The following GRID2 variants were observed in gnomAD, a reference collection of about 807,000 sequenced individuals.
GRID2 encodes glutamate receptor ionotropic, delta-2.
GRID2 carries 33 observed loss-of-function variants against 114.8 expected under a neutral mutation model. That is an observed-to-expected ratio of 0.29 (90% CI 0.22 to 0.38). The LOEUF is 0.38. Among genes scored for constraint, GRID2 ranks in the 10% least tolerant of loss-of-function variants. The pLI, the probability that GRID2 is intolerant of heterozygous loss-of-function variation, is 1.00. For synonymous variants in GRID2, 505 were observed against 449.9 expected, an observed-to-expected ratio of 1.12 and a Z score of -1.55; for missense variants, 1,184 against 1,257.7, an observed-to-expected ratio of 0.94 and a Z score of 0.89.
chr4:93,165,842 C>G (rs774014833), intron 4 of GRID2, among the ~76,000 whole-genome samples: 1 of 151,946 alleles, frequency 6.6e-6, no homozygotes, highest in Non-Finnish European at 1.5e-5. Flanking sequence ...CTATTAGAAC[C>G]ACAAATAGGG....
intron 4 of GRID2, among the ~76,000 whole-genome samples, chr4:93,164,565 A>C (rs1738066614): frequency 6.6e-6 from 1 of 152,082 alleles, no homozygotes; most frequent in Admixed American, 6.6e-5. Flanking sequence ...TTAGTCTAGA[A>C]ATAAGTTTAT....
chr4:93,463,202 A>C (rs1723918164), intron 11 of GRID2, among the ~76,000 whole-genome samples: 2 of 152,154 alleles, frequency 1.3e-5, no homozygotes. Context: ...AACTAATAAA[A>C]AAAAAGTTGA....
chr4:93,706,625 G>T (rs971310835), intron 14 of GRID2, among the ~76,000 whole-genome samples: 2 of 152,098 alleles, frequency 1.3e-5, no homozygotes, highest in Non-Finnish European at 2.9e-5. Flanking sequence ...TGGAGTCTAG[G>T]TTTTTCCAAA....
chr4:93,591,432 T>C (rs1033121096), intron 13 of GRID2, among the ~76,000 whole-genome samples: 1 of 152,024 alleles, frequency 6.6e-6, no homozygotes, highest in African/African-American at 2.4e-5. Context: ...GATAAGCTTT[T>C]TGATGTGCTG....
chr4:93,549,740 C>T (rs1489877850), intron 13 of GRID2, among the ~76,000 whole-genome samples: 2 of 152,024 alleles, frequency 1.3e-5, no homozygotes, highest in African/African-American at 4.8e-5. Context: ...AACTTTTCTG[C>T]CAAGCAAATT....
intron 2 of GRID2, among the ~76,000 whole-genome samples, chr4:92,754,234 G>C (rs1560573297): frequency 6.6e-6 from 1 of 152,182 alleles, no homozygotes; most frequent in African/African-American, 2.4e-5. Flanking sequence ...GGCTTAGGCT[G>C]TTGTTGCACT....
intron 2 of GRID2, among the ~76,000 whole-genome samples, chr4:92,707,212 T>A (rs553679852): frequency 6.6e-6 from 1 of 152,274 alleles, no homozygotes; most frequent in East Asian, 1.9e-4. Flanking sequence ...AATTTGAAAT[T>A]ATTGATTTAC....
rs1696463695 is a variant in GRID2, at chr4:93,055,304, G to C, written c.245-29691G>C. Among the ~76,000 whole-genome samples, 3 of 151,664 alleles carry C rather than the reference G, an allele frequency of 2.0e-5. No individual in the cohort carries two copies. In the South Asian group the frequency reaches 6.3e-4, roughly 32 times the overall value. ...TGGTCTAGCAGTGATGAGGTTGCTA[G>C]GTTGACAAAGCAGTGCTGGGTTTTC... On this transcript the variant is annotated intron_variant, in intron 2 of 15. Transcript: ENST00000282020.
At chr4:93,163,100 T>G (rs999957237) in intron 4 of GRID2, among the ~76,000 whole-genome samples, 24 of 151,804 alleles carry the variant, frequency 1.6e-4, no homozygotes, top group Non-Finnish European at 2.7e-4. Context: ...ACATACACAT[T>G]CCTTTCAGGT....
At chr4:93,633,247 AT>A (rs1400273621) in intron 14 of GRID2, among the ~76,000 whole-genome samples, 2 of 151,878 alleles carry the variant, frequency 1.3e-5, no homozygotes, top group African/African-American at 4.8e-5. Flanking sequence ...ATTTAATATT[AT>A]AACTATAAGA....
chr4:93,089,228 G>A (rs909381412), intron 3 of GRID2, among the ~76,000 whole-genome samples: 2 of 152,056 alleles, frequency 1.3e-5, no homozygotes, highest in African/African-American at 2.4e-5. Context: ...CCAACAGATT[G>A]TGAAATAAAA....
chr4:93,026,024 G>A (rs994874685), intron 2 of GRID2, among the ~76,000 whole-genome samples: 2 of 151,776 alleles, frequency 1.3e-5, no homozygotes, highest in African/African-American at 4.8e-5. Flanking sequence ...AGTAGGGAAA[G>A]TTGATAATTT....
At chr4:92,959,750 A>G (rs1318619229) in intron 2 of GRID2, among the ~76,000 whole-genome samples, 1 of 152,076 alleles carries the variant, frequency 6.6e-6, no homozygotes, top group Non-Finnish European at 1.5e-5. Flanking sequence ...CAAACTATGC[A>G]GGAACAGAAA....
At chr4:92,998,716 A>G (rs1755356234) in intron 2 of GRID2, among the ~76,000 whole-genome samples, 1 of 151,760 alleles carries the variant, frequency 6.6e-6, no homozygotes, top group Non-Finnish European at 1.5e-5. Context: ...CCATGACTAT[A>G]GAATCATTAA....
At chr4:92,362,346 T>TC (rs1728655978) in intron 1 of GRID2, among the ~76,000 whole-genome samples, 1 of 151,968 alleles carries the variant, frequency 6.6e-6, no homozygotes, top group African/African-American at 2.4e-5. Flanking sequence ...AAGTATGATT[T>TC]TTTTTGCCAA....
intron 2 of GRID2, among the ~76,000 whole-genome samples, chr4:92,620,413 G>A (rs1730213678): frequency 1.3e-5 from 2 of 151,752 alleles, no homozygotes; most frequent in South Asian, 4.2e-4. Flanking sequence ...CTACTATGAA[G>A]CTATGTTACA....
intron 2 of GRID2, among the ~76,000 whole-genome samples, chr4:93,076,582 G>T (rs72885778): frequency 1.4e-5 from 2 of 147,284 alleles, no homozygotes; most frequent in African/African-American, 5.0e-5. Context: ...TAACTGAGCC[G>T]CAGACCTTCT....
At chr4:92,836,901 A>C (rs933347920) in intron 2 of GRID2, among the ~76,000 whole-genome samples, 7 of 152,182 alleles carry the variant, frequency 4.6e-5, no homozygotes, top group Non-Finnish European at 7.3e-5. Context: ...AGCAAAGCAC[A>C]GATCTGCTTC....
intron 9 of GRID2, among the ~76,000 whole-genome samples, chr4:93,412,240 C>CAA (rs199518860): frequency 6.9e-6 from 1 of 145,518 alleles, no homozygotes; most frequent in Admixed American, 6.8e-5. Context: ...CCCCCCCCCC[C>CAA]AAAAAAAAAT....
Sources: allele counts gnomAD v4.1 joint callset (sites outside exome capture counted in the v4.1 genomes callset), GRCh38; gene constraint gnomAD v4.1.1; transcripts MANE v1.5; gene names NCBI Gene and HGNC (gene_info 2026-07-23, HGNC 2026-07-21).